The following CRYBB2 variants were observed in gnomAD, a reference collection of about 807,000 sequenced individuals.
CRYBB2 encodes the protein beta-crystallin B2.
CRYBB2 carries 12 observed loss-of-function variants against 24.3 expected under a neutral mutation model. The ratio of observed to expected loss-of-function variants is 0.49; its 90% CI spans 0.32 to 0.80. CRYBB2 has a LOEUF of 0.80. Among genes scored for constraint, CRYBB2 ranks in the 30% least tolerant of loss-of-function variants. The pLI is 0.04. For missense variants in CRYBB2, 198 were observed against 268.5 expected, an observed-to-expected ratio of 0.74 and a Z score of 1.83; for synonymous variants, 98 against 101.6, an observed-to-expected ratio of 0.96 and a Z score of 0.21.
chr22:25,222,131 T>C (rs1302636430), intron 2 of CRYBB2, among the ~76,000 whole-genome samples: 1 of 152,212 alleles, frequency 6.6e-6, no homozygotes, highest in Non-Finnish European at 1.5e-5. Flanking sequence ...GCCACCTGAC[T>C]GCCCTCCTGT....
upstream of CRYBB2, among the ~76,000 whole-genome samples, chr22:25,218,441 G>A (rs934443505): frequency 2.4e-4 from 36 of 151,684 alleles, no homozygotes; most frequent in African/African-American, 8.2e-4. Context: ...TGGATTGCCT[G>A]AGCTCAGGAG....
At chr22:25,229,065 A>G (rs962383181) in intron 4 of CRYBB2, among the ~76,000 whole-genome samples, 10 of 134,556 alleles carry the variant, frequency 7.4e-5, no homozygotes, top group South Asian at 2.3e-4. Flanking sequence ...GCGTGTGTGC[A>G]TGTGTGCGTG....
intron 5 of CRYBB2, among the ~76,000 whole-genome samples, chr22:25,230,449 C>T (rs1935511189): frequency 6.6e-6 from 1 of 152,092 alleles, no homozygotes; most frequent in Admixed American, 6.6e-5. Flanking sequence ...AGCCACTGTG[C>T]CTGGCCTGGA....
At chr22:25,215,303 C>T (rs138383657), upstream of CRYBB2, among the ~76,000 whole-genome samples, 217 of 152,374 alleles carry the variant, frequency 1.4e-3, no homozygotes, top group African/African-American at 4.7e-3. Flanking sequence ...ATAACATGAG[C>T]AATCTGTGCC....
chr22:25,212,466 C>T (rs1034176017), upstream of CRYBB2, among the ~76,000 whole-genome samples: 2 of 152,192 alleles, frequency 1.3e-5, no homozygotes, highest in Non-Finnish European at 2.9e-5. Context: ...TGGTCACTGC[C>T]CCCAGGAATC....
At chr22:25,229,981 A>C (rs1935502561) in intron 5 of CRYBB2, among the ~76,000 whole-genome samples, 1 of 151,210 alleles carries the variant, frequency 6.6e-6, no homozygotes, top group African/African-American at 2.4e-5. Flanking sequence ...GTGTGTCCCT[A>C]AGTTTGGGAA....
At chr22:25,215,525 T>C (rs4822575), upstream of CRYBB2, among the ~76,000 whole-genome samples, 91,035 of 151,930 alleles carry the variant, frequency 0.6, 27,940 homozygotes, top group East Asian at 0.92. Flanking sequence ...CCATTCCACA[T>C]CTCCATATTT....
chr22:25,218,767 G>GAAAA (rs1935244842), upstream of CRYBB2, among the ~76,000 whole-genome samples: 1 of 34,068 alleles, frequency 2.9e-5, no homozygotes, highest in Non-Finnish European at 5.4e-5. Context: ...GAGAGAGAGA[G>GAAAA]AGAGAGAGAG....
At chr22:25,222,760 A>T (rs1935343021) in intron 2 of CRYBB2, among the ~76,000 whole-genome samples, 1 of 152,248 alleles carries the variant, frequency 6.6e-6, no homozygotes, top group Non-Finnish European at 1.5e-5. Flanking sequence ...CATCATAAAA[A>T]GTAAAAAGAA....
At chr22:25,230,671 C>T (rs1424903810) in intron 5 of CRYBB2, among the ~76,000 whole-genome samples, 2 of 123,210 alleles carry the variant, frequency 1.6e-5, no homozygotes, top group Non-Finnish European at 3.1e-5. Flanking sequence ...TGCTCCTATT[C>T]CCCTTCATTC....
At chr22:25,218,056 G>A (rs931452825), upstream of CRYBB2, among the ~76,000 whole-genome samples, 6 of 151,118 alleles carry the variant, frequency 4.0e-5, no homozygotes, top group African/African-American at 9.7e-5. Flanking sequence ...TCAGGAGATC[G>A]AGACCATCCT....
chr22:25,221,861 G>C (rs77893393), intron 2 of CRYBB2, among the ~76,000 whole-genome samples: 1 of 152,128 alleles, frequency 6.6e-6, no homozygotes, highest in African/African-American at 2.4e-5. Flanking sequence ...TGTGTGATCC[G>C]GGCCAATTAT....
intron 1 of CRYBB2, among the ~76,000 whole-genome samples, chr22:25,214,628 C>T (rs962829121): frequency 2.6e-5 from 4 of 152,278 alleles, no homozygotes; most frequent in East Asian, 3.9e-4. Context: ...AGTTACTGAG[C>T]GCTTTCTATA....
intron 3 of CRYBB2, among the ~76,000 whole-genome samples, chr22:25,225,853 A>G (rs1935403265): frequency 6.6e-6 from 1 of 152,194 alleles, no homozygotes; most frequent in South Asian, 2.1e-4. Context: ...GGCCCTGCCA[A>G]GCCTTGGTCA....
intron 2 of CRYBB2, among the ~76,000 whole-genome samples, chr22:25,224,439 C>T (rs1935376646): frequency 6.6e-6 from 1 of 152,156 alleles, no homozygotes; most frequent in Admixed American, 6.5e-5. Context: ...AATTAGTTCT[C>T]CCACAAGCAG....
chr22:25,218,735 GGGAGA>G (rs1569015951), upstream of CRYBB2, among the ~76,000 whole-genome samples: 55 of 41,464 alleles, frequency 1.3e-3, 2 homozygotes, highest in African/African-American at 3.8e-3. Context: ...AGAGAGAGAG[GGGAGA>G]GAGAGAGAGA....
At chr22:25,214,150 A>G (rs559819207) in intron 1 of CRYBB2, among the ~76,000 whole-genome samples, 1 of 152,242 alleles carries the variant, frequency 6.6e-6, no homozygotes, top group African/African-American at 2.4e-5. Flanking sequence ...ACCTACCTGG[A>G]CAACACAGTA....
intron 2 of CRYBB2, among the ~76,000 whole-genome samples, chr22:25,223,081 C>T (rs1453482861): frequency 6.6e-6 from 1 of 152,146 alleles, no homozygotes; most frequent in Non-Finnish European, 1.5e-5. Context: ...CGCTATTGAG[C>T]TCCTGGGTCC....
chr22:25,225,078 G>A (rs1233963804), intron 3 of CRYBB2, 42 bp downstream of exon 3: 2 of 1,084,202 alleles, frequency 1.8e-6, no homozygotes, highest in Non-Finnish European at 2.9e-6. Context: ...GACTTTGGGT[G>A]AGGTGATCAA....
Sources: gnomAD v4.1 joint callset for allele counts (sites outside exome capture counted in the v4.1 genomes callset) on GRCh38, gnomAD v4.1.1 for gene constraint, MANE v1.5 for transcripts, NCBI Gene and HGNC (gene_info 2026-07-23, HGNC 2026-07-21) for gene names.